The following SLC26A7 variants were observed in gnomAD, a reference collection of about 807,000 sequenced individuals.
The protein encoded by SLC26A7 is anion exchange transporter.
In SLC26A7, 59 loss-of-function variants were observed where a neutral mutation model predicts 82.5. The ratio of observed to expected loss-of-function variants is 0.72; its 90% confidence interval spans 0.58 to 0.89. The LOEUF (loss-of-function observed/expected upper bound fraction) is 0.89. Among genes scored for constraint, SLC26A7 ranks in the 40% least tolerant of loss-of-function variants. SLC26A7 has a pLI of 0.00. For missense variants in SLC26A7, 820 were observed against 793.0 expected (o/e 1.03, Z -0.41); for synonymous variants, 271 against 274.3 (o/e 0.99, Z 0.12).
chr8:91,354,668 G>A (rs1398488004), intron 11 of SLC26A7, among the ~76,000 whole-genome samples: 1 of 152,110 alleles, frequency 6.6e-6, no homozygotes, highest in Admixed American at 6.6e-5. Flanking sequence ...GCATATAAAT[G>A]AGGAAGACCT....
At chr8:91,248,175 T>C (rs1377257726), upstream of SLC26A7, among the ~76,000 whole-genome samples, 1 of 152,152 alleles carries the variant, frequency 6.6e-6, no homozygotes, top group Non-Finnish European at 1.5e-5. Flanking sequence ...TAATATAATG[T>C]AAAAACAGTT....
chr8:91,220,240 T>G (rs1810137479), intron 2 of SLC26A7, among the ~76,000 whole-genome samples: 1 of 152,128 alleles, frequency 6.6e-6, no homozygotes, highest in Admixed American at 6.6e-5. Context: ...CAAGTACAAA[T>G]GAGCTCATCA....
intron 8 of SLC26A7, chr8:91,343,119 T>G (rs1813463949): frequency 2.5e-6 from 1 of 394,620 alleles, no homozygotes; most frequent in African/African-American, 2.0e-5. Flanking sequence ...AAAAATAGTA[T>G]TTCCCTATAA....
intron 15 of SLC26A7, among the ~76,000 whole-genome samples, chr8:91,385,650 T>C (rs776827274): frequency 4.6e-5 from 7 of 151,990 alleles, no homozygotes; most frequent in Non-Finnish European, 8.8e-5. Context: ...ACAGAGGAAG[T>C]TGGATAAAAA....
intron 14 of SLC26A7, among the ~76,000 whole-genome samples, chr8:91,367,368 T>C (rs1361375461): frequency 3.9e-5 from 6 of 152,232 alleles, no homozygotes; most frequent in Non-Finnish European, 5.9e-5. Flanking sequence ...TGATAGAATA[T>C]GATAAATGAC....
chr8:91,385,188 A>G lies in SLC26A7; in HGVS notation c.1676-4150A>G, dbSNP rs187937431. 5.3e-5 allele frequency among the ~76,000 whole-genome samples: 8 copies of G among 152,278 alleles called. No individual in the cohort carries two copies. The East Asian group carries it at 1.5e-3, about 29-fold the overall frequency. ...ATCATTTACCACATTCCACATGGGT[A>G]TAGATTAGTTGTCTCCTTTGCACAT... On this transcript the variant is annotated intron_variant, in intron 15 of 18. Transcript: ENST00000276609.
intron 5 of SLC26A7, among the ~76,000 whole-genome samples, chr8:91,320,836 T>C (rs1426672073): frequency 6.6e-6 from 1 of 152,208 alleles, no homozygotes; most frequent in Non-Finnish European, 1.5e-5. Flanking sequence ...TGTTATATCC[T>C]TTCAGAAAGT....
chr8:91,284,956 A>G (rs1357886091), intron 2 of SLC26A7, among the ~76,000 whole-genome samples: 1 of 152,208 alleles, frequency 6.6e-6, no homozygotes, highest in African/African-American at 2.4e-5. Context: ...AAAAATTGTC[A>G]CCTGAATTAG....
intron 4 of SLC26A7, among the ~76,000 whole-genome samples, chr8:91,309,704 A>G (rs1812424395): frequency 6.6e-6 from 1 of 152,114 alleles, no homozygotes; most frequent in Admixed American, 6.6e-5. Context: ...GAGGGGGTCA[A>G]GAGGGCCAAC....
At chr8:91,354,188 C>G (rs937579469) in intron 11 of SLC26A7, among the ~76,000 whole-genome samples, 1 of 151,966 alleles carries the variant, frequency 6.6e-6, no homozygotes, top group African/African-American at 2.4e-5. Flanking sequence ...ACTTGATAAC[C>G]CTATGGTTAA....
intron 2 of SLC26A7, among the ~76,000 whole-genome samples, chr8:91,286,588 C>A (rs1461347457): frequency 6.6e-6 from 1 of 152,160 alleles, no homozygotes; most frequent in Non-Finnish European, 1.5e-5. Context: ...GATTAAGTTA[C>A]ATAAGTATCT....
At chr8:91,268,704 A>G (rs1039696505) in intron 2 of SLC26A7, among the ~76,000 whole-genome samples, 12 of 151,518 alleles carry the variant, frequency 7.9e-5, no homozygotes, top group African/African-American at 2.9e-4. Flanking sequence ...TACTACTGTC[A>G]TTTTGTTTCT....
chr8:91,284,404 A>G (rs746056988), intron 2 of SLC26A7, among the ~76,000 whole-genome samples: 9 of 152,188 alleles, frequency 5.9e-5, no homozygotes, highest in Non-Finnish European at 1.2e-4. Context: ...TTTCTTGTGC[A>G]CCAGAGATTG....
intron 15 of SLC26A7, among the ~76,000 whole-genome samples, chr8:91,378,738 C>G (rs1303074857): frequency 6.6e-6 from 1 of 151,572 alleles, no homozygotes; most frequent in African/African-American, 2.4e-5. Context: ...CAACACATTT[C>G]AAATAATGAA....
intron 2 of SLC26A7, among the ~76,000 whole-genome samples, chr8:91,238,940 A>G (rs1387304228): frequency 2.6e-5 from 4 of 152,226 alleles, no homozygotes. Context: ...TTCTCTATGG[A>G]CATCTATAAG....
At chr8:91,241,904 T>G (rs1388164933) in intron 2 of SLC26A7, among the ~76,000 whole-genome samples, 1 of 152,198 alleles carries the variant, frequency 6.6e-6, no homozygotes, top group African/African-American at 2.4e-5. Context: ...TTTAAGAGAT[T>G]TAATGAGGCT....
chr8:91,369,814 A>G lies in SLC26A7; in HGVS notation c.1656A>G (p.Leu552=). The change falls in exon 15 of 19, where the codon CTA becomes CTG. Residue 552 remains leucine, a synonymous_variant. Transcript: ENST00000276609. ...KCEQNTLLNS[L]SNGNCNEEAS... ...AACAAAACACATTGCTTAATTCCCT[A>G]TCCAATGGCAACTGCAATGGTGAGT... 1 of 1,603,186 alleles carries G rather than the reference A, an allele frequency of 6.2e-7. No homozygotes were observed. The highest frequency in any genetic ancestry group is 8.5e-7 in the Non-Finnish European group (1 of 1,174,926).
At chr8:91,349,728 T>C (rs182950737) in intron 9 of SLC26A7, among the ~76,000 whole-genome samples, 1 of 152,254 alleles carries the variant, frequency 6.6e-6, no homozygotes, top group Non-Finnish European at 1.5e-5. Context: ...GCTCCTAAGA[T>C]TTAGGGTTTT....
At chr8:91,239,777 C>G (rs1244174337) in intron 2 of SLC26A7, among the ~76,000 whole-genome samples, 1 of 152,036 alleles carries the variant, frequency 6.6e-6, no homozygotes, top group East Asian at 1.9e-4. Flanking sequence ...TTTCAAGGGG[C>G]TAAGTAGACA....
Sources: allele counts gnomAD v4.1 joint callset (sites outside exome capture counted in the v4.1 genomes callset), GRCh38; gene constraint gnomAD v4.1.1; transcripts MANE v1.5; gene names NCBI Gene and HGNC (gene_info 2026-07-23, HGNC 2026-07-21).